Variants in ANLN observed in about 807,000 individuals in gnomAD.
ANLN encodes anillin.
Under a neutral mutation model 135.1 loss-of-function variants are expected in ANLN, and 59 were observed. The ratio of observed to expected loss-of-function variants is 0.44; its 90% CI spans 0.35 to 0.54. ANLN has a LOEUF of 0.54. Ranked by LOEUF, ANLN falls within the 20% of genes least tolerant of loss-of-function variation. The pLI is 0.00. For synonymous variants in ANLN, 406 were observed against 456.4 expected (o/e 0.89, Z 1.41); for missense variants, 1,182 against 1,340.0 (o/e 0.88, Z 1.84).
rs1787370011 is a variant in ANLN, at chr7:36,410,580, G to A, written c.1163G>A (p.Ser388Asn). ...GERCQEHSKE[S>N]PARSTPHRTP... ...CGTTGTCAAGAACATAGCAAAGAAA[G>A]TCCAGCTCGTAGCACACCCCACAGA... The change falls in exon 6 of 24, where the codon AGT becomes AAT. Residue 388 changes from serine (S) to asparagine (N), a missense_variant. Coordinates refer to ENST00000265748, the MANE Select transcript of ANLN (RefSeq NM_018685.5). 1 of 1,613,918 alleles carries A rather than the reference G, an allele frequency of 6.2e-7. No homozygotes were observed. The highest frequency in any genetic ancestry group is 8.5e-7 in the Non-Finnish European group (1 of 1,179,994).
At chr7:36,441,029 A>AT (rs1381919489) in intron 21 of ANLN, among the ~76,000 whole-genome samples, 2 of 152,208 alleles carry the variant, frequency 1.3e-5, no homozygotes, top group Non-Finnish European at 2.9e-5. Context: ...TATTAACAGT[A>AT]TTTTTTCCTT....
rs1178718844 is a variant in ANLN, at chr7:36,402,283, T to C, written c.487+2890T>C. The stretch of plus-strand genomic sequence containing the variant: ...CACGCCACCACACCCAGCTAATTTT[T>C]TGTATTTTTAGTAGAGACAAGATTT... On this transcript the variant is annotated intron_variant, in intron 3 of 23. Transcript: ENST00000265748. Among the ~76,000 whole-genome samples, 11 of 124,764 alleles carry C rather than the reference T, an allele frequency of 8.8e-5. 3 individuals carry two copies. The highest frequency in any genetic ancestry group is 3.0e-4 in the Admixed American group (4 of 13,144). The allele number at this position is 124,764 out of a possible 152,430, so 81.9% of individuals were successfully genotyped here. A position where few individuals can be genotyped will look rare whatever the true frequency, so the allele number is the denominator to read the frequency against.
intron 23 of ANLN, among the ~76,000 whole-genome samples, chr7:36,450,623 C>T (rs1789203734): frequency 6.6e-6 from 1 of 152,110 alleles, no homozygotes. Context: ...AGATAGAGGA[C>T]TCATTTGATG....
intron 1 of ANLN, among the ~76,000 whole-genome samples, chr7:36,394,737 T>C (rs1195437944): frequency 1.3e-5 from 2 of 152,108 alleles, no homozygotes; most frequent in East Asian, 3.9e-4. Flanking sequence ...TTAAAAAGAG[T>C]CAAATGGAAT....
chr7:36,438,859 G>T (rs985441167), intron 20 of ANLN, among the ~76,000 whole-genome samples: 1 of 152,264 alleles, frequency 6.6e-6, no homozygotes, highest in South Asian at 2.1e-4. Context: ...GGGTGGTATT[G>T]TGTGGTGTGA....
Position 36,411,116 on chromosome 7 carries a change from A to G in ANLN, c.1345A>G (p.Ser449Gly). 1.9e-6 allele frequency: 3 copies of G among 1,612,270 alleles called. No homozygotes were observed. Among genetic ancestry groups the G allele is most frequent in the Non-Finnish European group, 2.5e-6 (3 of 1,179,652 alleles). The change falls in exon 7 of 24, where the codon AGT (serine) becomes GGT (glycine). Residue 449 changes from serine (S) to glycine (G), a missense_variant. Ser to Gly is a moderately conservative substitution (Grantham distance 56, BLOSUM62 0). Around this residue, in one of 3 missense-constraint regions of ANLN, gnomAD observed 1,022 missense variants for 1,134.0 expected, o/e 0.90. Coordinates refer to ENST00000265748, the MANE Select transcript of ANLN (RefSeq NM_018685.5). ...RGRFDKGNIW[S>G]AEKGGNSKSK... ...CCGATTTGACAAGGGCAATATATGG[A>G]GTGCAGAAAAAGGCGGAAACTCAAA...
At chr7:36,402,430 A>G (rs1466187257) in intron 3 of ANLN, among the ~76,000 whole-genome samples, 1 of 151,996 alleles carries the variant, frequency 6.6e-6, no homozygotes, top group Admixed American at 6.6e-5. Context: ...AGGTTATAAT[A>G]CTAGCCTTCT....
intron 4 of ANLN, 85 bp from the exon 5 acceptor site, chr7:36,407,649 A>G: frequency 3.0e-6 from 3 of 988,082 alleles, no homozygotes; most frequent in Non-Finnish European, 4.7e-6. Flanking sequence ...AAGGCTATCA[A>G]GTAAATAGGA....
At chr7:36,436,663 G>A (rs1268523964) in intron 20 of ANLN, among the ~76,000 whole-genome samples, 3 of 152,148 alleles carry the variant, frequency 2.0e-5, no homozygotes, top group Non-Finnish European at 4.4e-5. Context: ...ATCCTAGTGG[G>A]TGTGAAGTGG....
At chr7:36,396,452 C>CT (rs199699357) in intron 2 of ANLN, 33 bp downstream of exon 2, 586 of 1,514,526 alleles carry the variant, frequency 3.9e-4, no homozygotes, top group South Asian at 1.5e-3. Flanking sequence ...ATAACATTTA[C>CT]TTTTTTTTTC....
intron 1 of ANLN, among the ~76,000 whole-genome samples, chr7:36,393,267 G>A (rs1027010740): frequency 1.3e-5 from 2 of 152,050 alleles, no homozygotes; most frequent in Admixed American, 1.3e-4. Flanking sequence ...CAAGTGATCC[G>A]CCTGCCTTGG....
At chr7:36,414,475 A>G (rs891946124) in intron 7 of ANLN, among the ~76,000 whole-genome samples, 15 of 152,250 alleles carry the variant, frequency 9.9e-5, no homozygotes, top group African/African-American at 3.1e-4. Context: ...GGGTGATGGT[A>G]GTCTTAGAGT....
In ANLN at chr7:36,421,894, T is replaced by A; in HGVS notation, c.2201T>A (p.Ile734Asn). The part of the protein sequence containing the change: ...NNEINMQQTV[I>N]YQASQALNCC... ...GAAATAAATATGCAACAGACAGTGA[T>A]CTATCAAGCTAGCCAGGCTCTTAAC... Residue 734 changes from isoleucine (I) to asparagine (N), a missense_variant, in exon 13 of 24, where the codon ATC (isoleucine) becomes AAC (asparagine). Transcript: ENST00000265748. 6.2e-7 allele frequency: 1 copy of A among 1,613,376 alleles called. No individual in the cohort carries two copies. The highest frequency in any genetic ancestry group is 8.5e-7 in the Non-Finnish European group (1 of 1,179,610).
intron 1 of ANLN, among the ~76,000 whole-genome samples, chr7:36,394,157 T>G (rs1398955698): frequency 6.6e-6 from 1 of 152,330 alleles, no homozygotes; most frequent in East Asian, 1.9e-4. Context: ...AGAGACAGGA[T>G]CTTGCTTTGT....
chr7:36,404,945 C>G lies in ANLN; in HGVS notation c.488-1236C>G, dbSNP rs944519826. On this transcript the variant is annotated intron_variant, in intron 3 of 23. Transcript: ENST00000265748. ...ATGAATTGTTTATTTCTGGAATTTT[C>G]CATGTAATATTTTTAGACAACAGTT... Among the ~76,000 whole-genome samples, 14 of 152,126 alleles carry G rather than the reference C, an allele frequency of 9.2e-5. No homozygotes were observed. The East Asian group carries it at 2.1e-3, about 23-fold the overall frequency.
At position 36,422,283 on chromosome 7, in the gene ANLN, TTC is replaced by T. The variant is rs10560737; in HGVS notation, c.2299+314_2299+315del. 0.14 allele frequency among the ~76,000 whole-genome samples: 21,630 copies of T among 149,926 alleles called. 1,565 individuals are homozygous for T. Among genetic ancestry groups the T allele is most frequent in the African/African-American group, 0.17 (6,964 of 40,820 alleles). ...CTATATATACACATGTACACATACA[TTC>T]TCTCTCTCTCTCTCTCTCTCTCCCT... On this transcript the variant is annotated intron_variant, in intron 13 of 23. Coordinates refer to ENST00000265748, the MANE Select transcript of ANLN (RefSeq NM_018685.5).
chr7:36,416,443 A>G (rs1787646050), intron 8 of ANLN, among the ~76,000 whole-genome samples: 1 of 152,204 alleles, frequency 6.6e-6, no homozygotes, highest in African/African-American at 2.4e-5. Context: ...GCTGTGTTGA[A>G]TAGAAGTCAT....
intron 20 of ANLN, among the ~76,000 whole-genome samples, chr7:36,437,969 C>A (rs546672270): frequency 6.6e-6 from 1 of 152,014 alleles, no homozygotes; most frequent in Non-Finnish European, 1.5e-5. Context: ...GGGATTTCAC[C>A]ATGTTGAAGG....
At chr7:36,395,147 C>T (rs1430518285) in intron 1 of ANLN, among the ~76,000 whole-genome samples, 1 of 152,164 alleles carries the variant, frequency 6.6e-6, no homozygotes, top group East Asian at 1.9e-4. Flanking sequence ...CAAGTTATCA[C>T]AAATTTAGTG....
Sources: allele counts gnomAD v4.1 joint callset (sites outside exome capture counted in the v4.1 genomes callset), GRCh38; gene constraint gnomAD v4.1.1; regional missense constraint gnomAD v4.1.1; transcripts MANE v1.5; gene names NCBI Gene and HGNC (gene_info 2026-07-23, HGNC 2026-07-21).